Variants in NFX1 observed in about 807,000 individuals in gnomAD.
NFX1 encodes transcriptional repressor NF-X1.
A neutral mutation model predicts 137.2 loss-of-function variants in NFX1; 69 were observed. The ratio of observed to expected loss-of-function variants is 0.50; its 90% confidence interval spans 0.41 to 0.61. NFX1 has a LOEUF of 0.61. Among genes scored for constraint, NFX1 ranks in the 20% least tolerant of loss-of-function variants. The pLI, the probability that NFX1 is intolerant of heterozygous loss-of-function variation, is 0.00. For synonymous variants in NFX1, 495 were observed against 474.1 expected, an observed-to-expected ratio of 1.04 and a Z score of -0.57; for missense variants, 1,167 against 1,391.0, an observed-to-expected ratio of 0.84 and a Z score of 2.56.
intron 9 of NFX1, among the ~76,000 whole-genome samples, chr9:33,320,071 C>G (rs1255493076): frequency 6.6e-6 from 1 of 151,336 alleles, no homozygotes; most frequent in Non-Finnish European, 1.5e-5. Flanking sequence ...AAGCAATTCT[C>G]CTGCCTTGGC....
At chr9:33,311,474 T>C (rs1430244157) in intron 6 of NFX1, among the ~76,000 whole-genome samples, 1 of 152,236 alleles carries the variant, frequency 6.6e-6, no homozygotes, top group African/African-American at 2.4e-5. Context: ...TATTTTGTAA[T>C]CTTATAAGTG....
At chr9:33,328,775 G>GT in intron 10 of NFX1, 97 bp downstream of exon 10, 1 of 978,576 alleles carries the variant, frequency 1.0e-6, no homozygotes, top group South Asian at 1.5e-5. Flanking sequence ...AGTAGATTAG[G>GT]TATGGGAAGT....
At chr9:33,310,559 T>G (rs1010952488) in intron 5 of NFX1, among the ~76,000 whole-genome samples, 1 of 152,174 alleles carries the variant, frequency 6.6e-6, no homozygotes, top group African/African-American at 2.4e-5. Context: ...CCCCCTTCCC[T>G]TTCATTCTCT....
chr9:33,356,269 A>T (rs1823806684), intron 19 of NFX1, among the ~76,000 whole-genome samples: 1 of 152,152 alleles, frequency 6.6e-6, no homozygotes, highest in Non-Finnish European at 1.5e-5. Context: ...TGGCCATTGG[A>T]TAGCCTCATT....
chr9:33,333,091 C>T (rs948052242), intron 11 of NFX1, among the ~76,000 whole-genome samples: 5 of 152,188 alleles, frequency 3.3e-5, no homozygotes, highest in African/African-American at 1.2e-4. Context: ...AGTGATCCAC[C>T]CGCCTCGGCC....
intron 7 of NFX1, among the ~76,000 whole-genome samples, chr9:33,316,601 G>A (rs1351499607): frequency 2.0e-5 from 3 of 152,004 alleles, no homozygotes; most frequent in Admixed American, 6.6e-5. Context: ...GAATATTTTG[G>A]CCATGTAAAT....
chr9:33,354,774 G>C (rs1487404187), intron 18 of NFX1, 77 bp from the exon 19 acceptor site: 3 of 1,376,446 alleles, frequency 2.2e-6, no homozygotes, highest in Non-Finnish European at 3.0e-6. Flanking sequence ...CAGGTTGACT[G>C]AGACTTCCTT....
At chr9:33,357,411 T>C (rs12684968) in intron 19 of NFX1, among the ~76,000 whole-genome samples, 17,252 of 152,194 alleles carry the variant, frequency 0.11, 1,035 homozygotes, top group South Asian at 0.18. Flanking sequence ...TTAATTACTG[T>C]ACCTTTATAA....
At chr9:33,350,024 C>A (rs906708107) in intron 15 of NFX1, among the ~76,000 whole-genome samples, 3 of 152,114 alleles carry the variant, frequency 2.0e-5, no homozygotes, top group African/African-American at 7.2e-5. Flanking sequence ...ACAAAACAGG[C>A]CAGGCGTGGT....
chr9:33,301,238 T>C (rs1237385800), intron 2 of NFX1, 25 bp from the exon 3 acceptor site: 1 of 1,604,850 alleles, frequency 6.2e-7, no homozygotes, highest in Non-Finnish European at 8.5e-7. Context: ...AGTTAATCTT[T>C]TTTGTTATTT....
At chr9:33,333,916 G>A (rs1822903186) in intron 11 of NFX1, among the ~76,000 whole-genome samples, 1 of 152,130 alleles carries the variant, frequency 6.6e-6, no homozygotes, top group South Asian at 2.1e-4. Flanking sequence ...AGGCCAAGGT[G>A]GGCGGATCAC....
chr9:33,303,511 C>T (rs1173181221), intron 4 of NFX1, among the ~76,000 whole-genome samples: 2 of 152,206 alleles, frequency 1.3e-5, no homozygotes, highest in Non-Finnish European at 2.9e-5. Flanking sequence ...TGCTTGTCTC[C>T]TTGGTCTTGA....
At chr9:33,338,245 CT>C (rs1327611424) in intron 11 of NFX1, among the ~76,000 whole-genome samples, 1 of 151,798 alleles carries the variant, frequency 6.6e-6, no homozygotes, top group Non-Finnish European at 1.5e-5. Context: ...AGCCCAGCTA[CT>C]TGGGAGGCTG....
intron 19 of NFX1, 39 bp from the exon 20 acceptor site, chr9:33,363,971 C>T (rs1336550570): frequency 2.1e-6 from 3 of 1,418,230 alleles, no homozygotes; most frequent in Non-Finnish European, 2.9e-6. Context: ...TAGTTTCCCT[C>T]CCACTCCTTT....
intron 6 of NFX1, among the ~76,000 whole-genome samples, chr9:33,312,864 C>G (rs1454955495): frequency 6.6e-6 from 1 of 152,244 alleles, no homozygotes; most frequent in African/African-American, 2.4e-5. Flanking sequence ...GAGCAAGACT[C>G]TGTCTCAAAT....
At chr9:33,298,847 T>A (rs932135464) in intron 2 of NFX1, among the ~76,000 whole-genome samples, 2 of 151,994 alleles carry the variant, frequency 1.3e-5, no homozygotes, top group African/African-American at 4.8e-5. Context: ...ACAGGACAAG[T>A]TAGGAGGCTA....
chr9:33,353,017 A>C (rs1823693610), intron 17 of NFX1: 2 of 307,416 alleles, frequency 6.5e-6, no homozygotes, highest in Non-Finnish European at 6.1e-6. Flanking sequence ...TGCTGGGATC[A>C]CAGGCGTGAG....
At chr9:33,327,276 T>C (rs1253925056) in intron 9 of NFX1, among the ~76,000 whole-genome samples, 2 of 152,184 alleles carry the variant, frequency 1.3e-5, no homozygotes, top group African/African-American at 4.8e-5. Context: ...CCTCCCACCT[T>C]GGCTTCTCAA....
chr9:33,358,974 C>T (rs891944653), intron 19 of NFX1, among the ~76,000 whole-genome samples: 1 of 151,902 alleles, frequency 6.6e-6, no homozygotes, highest in Non-Finnish European at 1.5e-5. Flanking sequence ...GCTGGGTTTA[C>T]AGGCGTGAGC....
Sources: allele counts gnomAD v4.1 joint callset (sites outside exome capture counted in the v4.1 genomes callset), GRCh38; gene constraint gnomAD v4.1.1; transcripts MANE v1.5; gene names NCBI Gene and HGNC (gene_info 2026-07-23, HGNC 2026-07-21).